KLF4: variants seen among roughly 807,000 people sequenced by gnomAD.
KLF4 encodes the protein KLF transcription factor 4, also known as Krueppel-like factor 4.
KLF4 carries 14 observed loss-of-function variants against 38.0 expected under a neutral mutation model. The observed-to-expected ratio is 0.37, with a 90% CI of 0.24 to 0.58. The LOEUF (loss-of-function observed/expected upper bound fraction) is 0.58, where lower values mean the gene tolerates loss of function less well. KLF4 is among the 20% of genes least tolerant of loss of function. KLF4 has a pLI of 0.76. For synonymous variants in KLF4, 398 were observed against 302.5 expected (o/e 1.32, Z -3.28); for missense variants, 737 against 670.1 (o/e 1.10, Z -1.10).
Position 107,485,514 on chromosome 9 carries a change from G to A in KLF4, c.*237C>T, listed in dbSNP as rs1033016053. The A allele has an allele frequency of 1.1e-5, 5 of 436,128 alleles. No homozygotes were observed. The highest frequency in any genetic ancestry group is 5.2e-5 in the South Asian group (1 of 19,414). 27.0% of individuals were successfully genotyped at this position (436,128 alleles called of 1,614,324 possible). On this transcript the variant is annotated 3_prime_UTR_variant, in exon 5 of 5. Coordinates refer to ENST00000374672, the MANE Select transcript of KLF4 (RefSeq NM_004235.6). This position sits in a 1 kb window ranked among gnomAD's most constrained non-coding sequence, Gnocchi z 4.9. ...TTGTAAGTCCAGGAATATTCAAGTC[G>A]GATTTAGAATTGGAATGATAGAAGA...
Position 107,488,018 on chromosome 9 carries a change from A to T in KLF4, c.376T>A (p.Ser126Thr), listed in dbSNP as rs1485552939. ...GACGAAGAGGAGGCTGACGCTGACG[A>T]GGACACGGTGGCGGCCACTGACTCC... is the stretch of plus-strand genomic sequence containing the variant. ...PPESVAATVS[S>T]SASASSSSSP... The change falls in exon 3 of 5, where the codon TCG becomes ACG. Residue 126 changes from serine (S) to threonine (T), a missense_variant. Ser to Thr is a moderately conservative substitution (Grantham distance 58). This residue lies in a region of KLF4 where 695 missense variants were observed against 554.5 expected (regional missense o/e 1.25). Transcript: ENST00000374672. The surrounding 1 kb of genome is among the most constrained non-coding windows in gnomAD (Gnocchi z 5.7). 1.2e-6 allele frequency: 2 copies of T among 1,608,048 alleles called. No individual in the cohort carries two copies. Among genetic ancestry groups the T allele is most frequent in the South Asian group, 1.1e-5 (1 of 90,514 alleles).
At position 107,484,871 on chromosome 9, in the gene KLF4, GTTTA is replaced by G. The variant is rs1829034166; in HGVS notation, c.*876_*879del. 5.4e-6 allele frequency: 1 copy of G among 185,346 alleles called. No individual in the cohort carries two copies. The allele number at this position is 185,346 out of a possible 1,614,324, so 11.5% of individuals were successfully genotyped here. A position where few individuals can be genotyped will look rare whatever the true frequency, so the allele number is the denominator to read the frequency against. On this transcript the variant is annotated 3_prime_UTR_variant, in exon 5 of 5. Transcript: ENST00000374672. ...ACATTATTCAGATAAAATATTATAG[GTTTA>G]TTTAAAACTTAATTCTCACCTTGAG...
chr9:107,487,901 C>T lies in KLF4; in HGVS notation c.493G>A (p.Gly165Ser), dbSNP rs1378418517. 1 of 1,563,144 alleles carries T rather than the reference C, an allele frequency of 6.4e-7. No homozygotes were observed. The highest frequency in any genetic ancestry group is 2.3e-5 in the East Asian group (1 of 42,634). The change falls in exon 3 of 5, where the codon GGC becomes AGC. Residue 165 changes from glycine (G) to serine (S), a missense_variant. Physicochemically the swap from Gly to Ser is moderately conservative, Grantham distance 56. Around this residue, in one of 2 missense-constraint regions of KLF4, gnomAD observed 695 missense variants for 554.5 expected, o/e 1.25. Coordinates refer to ENST00000374672, the MANE Select transcript of KLF4 (RefSeq NM_004235.6). The surrounding 1 kb of genome is among the most constrained non-coding windows in gnomAD (Gnocchi z 6.1). ...RAGNDPGVAP[G>S]GTGGGLLYGR... ...TAGAGGAGGCCTCCGCCCGTGCCGC[C>T]CGGCGCCACGCCCGGGTCGTTCCCG...
In KLF4 at chr9:107,487,574, A is replaced by C. The variant is rs1277813128; in HGVS notation, c.820T>G (p.Cys274Gly). The change falls in exon 3 of 5, where the codon TGC (cysteine) becomes GGC (glycine). Residue 274 changes from cysteine (C) to glycine (G), a missense_variant. By Grantham distance (159) the Cys-to-Gly change is radical. Around this residue, in one of 2 missense-constraint regions of KLF4, gnomAD observed 695 missense variants for 554.5 expected, o/e 1.25. Coordinates refer to ENST00000374672, the MANE Select transcript of KLF4 (RefSeq NM_004235.6). This position sits in a 1 kb window ranked among gnomAD's most constrained non-coding sequence, Gnocchi z 6.1. ...APYNGGPPRT[C>G]PKIKQEAVSS... ...ACCGCCTCCTGCTTGATCTTGGGGC[A>C]CGTGCGCGGCGGCCCGCCGTTGTAG... 1.9e-6 allele frequency: 3 copies of C among 1,580,396 alleles called. No homozygotes were observed. The African/African-American group carries it at 4.0e-5, about 21-fold the overall frequency.
rs748729994 is a variant in KLF4, at chr9:107,487,188, G to A, written c.1104C>T (p.Leu368=). ...PQVPPLHYQE[L]MPPGSCMPEE... ...CTGGCATGCAGGAACCGGGTGGCAT[G>A]AGCTCTAGGGGTGAAGAAGGTGGGG... is the stretch of plus-strand genomic sequence containing the variant. Residue 368 remains leucine, a synonymous_variant, in exon 4 of 5, where the codon CTC becomes CTT. Transcript: ENST00000374672. This position sits in a 1 kb window ranked among gnomAD's most constrained non-coding sequence, Gnocchi z 6.1. 6.2e-7 allele frequency: 1 copy of A among 1,614,080 alleles called. No individual in the cohort carries two copies. The highest frequency in any genetic ancestry group is 2.2e-5 in the East Asian group (1 of 44,858).
At position 107,487,156 on chromosome 9, in the gene KLF4, G is replaced by T. The variant is rs1009878985; in HGVS notation, c.1136C>A (p.Pro379His). 1.9e-6 allele frequency: 3 copies of T among 1,614,050 alleles called. No individual in the cohort carries two copies. The highest frequency in any genetic ancestry group is 1.7e-6 in the Non-Finnish European group (2 of 1,180,042). Reference protein sequence around the residue: ...MPPGSCMPEEPKPKRGRRSWP... With the variant: ...MPPGSCMPEEHKPKRGRRSWP... Reference sequence around the variant, plus strand: ...CGATCGTCTTCCCCTCTTTGGCTTGGGCTCCTCTGGCATGCAGGAACCGGG... The same window carrying T: ...CGATCGTCTTCCCCTCTTTGGCTTGTGCTCCTCTGGCATGCAGGAACCGGG... The change falls in exon 4 of 5, where the codon CCC (proline) becomes CAC (histidine). Residue 379 changes from proline to histidine, a missense_variant. Pro to His is a moderately conservative substitution (Grantham distance 77, BLOSUM62 -2). Around this residue, in one of 2 missense-constraint regions of KLF4, gnomAD observed 695 missense variants for 554.5 expected, o/e 1.25. Coordinates refer to ENST00000374672, the MANE Select transcript of KLF4 (RefSeq NM_004235.6). This position sits in a 1 kb window ranked among gnomAD's most constrained non-coding sequence, Gnocchi z 6.1.
In KLF4 at chr9:107,488,142, G is replaced by A. The variant is rs1829118783; in HGVS notation, c.252C>T (p.Gly84=). ...LESGGAGAAC[G]GSNLAPLPRR... ...GAGGTAGGGGCGCCAGGTTGCTACCGCCGCAAGCCGCACCGGCTCCGCCGC... is the reference window on the plus strand; with the variant it reads ...GAGGTAGGGGCGCCAGGTTGCTACCACCGCAAGCCGCACCGGCTCCGCCGC... The change falls in exon 3 of 5, where the codon GGC becomes GGT. Residue 84 remains glycine, a synonymous_variant. Coordinates refer to ENST00000374672, the MANE Select transcript of KLF4 (RefSeq NM_004235.6). The surrounding 1 kb of genome is among the most constrained non-coding windows in gnomAD (Gnocchi z 5.7). The A allele has an allele frequency of 6.2e-7, 1 of 1,612,290 alleles. No homozygotes were observed. Among genetic ancestry groups the A allele is most frequent in the Non-Finnish European group, 8.5e-7 (1 of 1,179,832 alleles).
chr9:107,488,125 G>A lies in KLF4; in HGVS notation c.269C>T (p.Pro90Leu), dbSNP rs1271875387. ...GAACGGSNLAPLPRRETEEFN... is the reference protein window; with the variant it reads ...GAACGGSNLALLPRRETEEFN... ...CTCCTCGGTCTCTCTCCGAGGTAGGGGCGCCAGGTTGCTACCGCCGCAAGC... is the reference window on the plus strand; with the variant it reads ...CTCCTCGGTCTCTCTCCGAGGTAGGAGCGCCAGGTTGCTACCGCCGCAAGC... The change falls in exon 3 of 5, where the codon CCC becomes CTC. Residue 90 changes from proline to leucine, a missense_variant. Physicochemically the swap from Pro to Leu is moderately conservative, Grantham distance 98. This residue lies in a region of KLF4 where 695 missense variants were observed against 554.5 expected (regional missense o/e 1.25). Transcript: ENST00000374672. The surrounding 1 kb of genome is among the most constrained non-coding windows in gnomAD (Gnocchi z 5.7). The A allele has an allele frequency of 1.2e-6, 2 of 1,612,758 alleles. No individual in the cohort carries two copies. The highest frequency in any genetic ancestry group is 1.1e-5 in the South Asian group (1 of 91,084).
chr9:107,488,448 G>A lies in KLF4; in HGVS notation c.127-181C>T. 7 of 1,077,600 alleles carry A rather than the reference G, an allele frequency of 6.5e-6. No homozygotes were observed. Among genetic ancestry groups the A allele is most frequent in the Non-Finnish European group, 9.0e-6 (7 of 774,424 alleles). 66.8% of individuals were successfully genotyped at this position (1,077,600 alleles called of 1,614,324 possible). A position where few individuals can be genotyped will look rare whatever the true frequency, so the allele number is the denominator to read the frequency against. On this transcript the variant is annotated intron_variant, in intron 2 of 4. Transcript: ENST00000374672. This position sits in a 1 kb window ranked among gnomAD's most constrained non-coding sequence, Gnocchi z 5.7. ...CTCGGCCCACTCCCGGGTCGAAGAA[G>A]AGGTGATGCGTCTGTATTGCGGGTG... is the stretch of plus-strand genomic sequence containing the variant.
In KLF4 at chr9:107,489,319, G is replaced by T. The variant is rs961138526; in HGVS notation, c.-147C>A. 3.5e-6 allele frequency: 4 copies of T among 1,135,986 alleles called. No homozygotes were observed. The highest frequency in any genetic ancestry group is 4.7e-6 in the Non-Finnish European group (4 of 850,340). 70.4% of individuals were successfully genotyped at this position (1,135,986 alleles called of 1,614,324 possible). A position where few individuals can be genotyped will look rare whatever the true frequency, so the allele number is the denominator to read the frequency against. On this transcript the variant is annotated 5_prime_UTR_variant, in exon 1 of 5. Coordinates refer to ENST00000374672, the MANE Select transcript of KLF4 (RefSeq NM_004235.6). Reference sequence around the variant, plus strand: ...TCTTTGGATTAAATATAACTTGGAAGCGTCTTTTTTAAAAAGTTCCTTTGT... The same window carrying T: ...TCTTTGGATTAAATATAACTTGGAATCGTCTTTTTTAAAAAGTTCCTTTGT...
Position 107,487,655 on chromosome 9 carries a change from C to T in KLF4, c.739G>A (p.Val247Ile). The T allele has an allele frequency of 1.9e-6, 3 of 1,590,966 alleles. No homozygotes were observed. The highest frequency in any genetic ancestry group is 2.6e-6 in the Non-Finnish European group (3 of 1,167,084). ...GGGCTGCCTTTGCTGACGCTGATGA[C>T]CGACGGGCTGCCGTACTCGCTGCCA... ...APGSEYGSPS[V>I]ISVSKGSPDG... The change falls in exon 3 of 5, where the codon GTC becomes ATC. Residue 247 changes from valine (V) to isoleucine (I), a missense_variant. Physicochemically the swap from Val to Ile is conservative, Grantham distance 29. Coordinates refer to ENST00000374672, the MANE Select transcript of KLF4 (RefSeq NM_004235.6). This position sits in a 1 kb window ranked among gnomAD's most constrained non-coding sequence, Gnocchi z 6.1.
rs761851632 is a variant in KLF4 at position 107,487,514 on chromosome 9, G to A, written c.880C>T (p.Leu294Phe). 6.5e-7 allele frequency: 1 copy of A among 1,549,704 alleles called. No individual in the cohort carries two copies. The highest frequency in any genetic ancestry group is 1.2e-5 in the South Asian group (1 of 80,306). ...SCTHLGAGPP[L>F]SNGHRPAAHD... ...GCAGCCGGCCGGTGGCCATTGCTGA[G>A]AGGGGGTCCAGCGCCCAAGTGGGTG... Residue 294 changes from leucine to phenylalanine, a missense_variant, in exon 3 of 5, where the codon CTC (leucine) becomes TTC (phenylalanine). Leu to Phe is a conservative substitution (Grantham distance 22). Around this residue, in one of 2 missense-constraint regions of KLF4, gnomAD observed 695 missense variants for 554.5 expected, o/e 1.25. Transcript: ENST00000374672. The surrounding 1 kb of genome is among the most constrained non-coding windows in gnomAD (Gnocchi z 6.1).
Position 107,485,192 on chromosome 9 carries a change from C to T in KLF4, c.*559G>A. On this transcript the variant is annotated 3_prime_UTR_variant, in exon 5 of 5. Coordinates refer to ENST00000374672, the MANE Select transcript of KLF4 (RefSeq NM_004235.6). This position sits in a 1 kb window ranked among gnomAD's most constrained non-coding sequence, Gnocchi z 4.9. The stretch of plus-strand genomic sequence containing the variant: ...GATCGGAAGACAAATATAGATTTTC[C>T]TTGTCAAAGTATGCAGCAGTTTGAA... 9.9e-6 allele frequency: 2 copies of T among 202,528 alleles called. No homozygotes were observed. Among genetic ancestry groups the T allele is most frequent in the Non-Finnish European group, 2.0e-5 (2 of 98,406 alleles). The allele number at this position is 202,528 out of a possible 1,614,324, so 12.5% of individuals were successfully genotyped here.
Position 107,485,383 on chromosome 9 carries a change from T to C in KLF4, c.*368A>G, listed in dbSNP as rs11788360. The C allele has an allele frequency of 0.011, 2,812 of 252,156 alleles. 19 individuals carry two copies. The highest frequency in any genetic ancestry group is 0.03 in the Middle Eastern group (26 of 866). The allele number at this position is 252,156 out of a possible 1,614,324, so 15.6% of individuals were successfully genotyped here. ...AATACAAGGTGATCTTTTATGCTTA[T>C]ATTGCATCAATACACAATTCAAGGG... is the stretch of plus-strand genomic sequence containing the variant. On this transcript the variant is annotated 3_prime_UTR_variant, in exon 5 of 5. Coordinates refer to ENST00000374672, the MANE Select transcript of KLF4 (RefSeq NM_004235.6). The surrounding 1 kb of genome is among the most constrained non-coding windows in gnomAD (Gnocchi z 4.9).
At position 107,487,018 on chromosome 9, in the gene KLF4, G is replaced by T. The variant is rs547294800; in HGVS notation, c.1264+10C>A. 1 of 1,614,166 alleles carries T rather than the reference G, an allele frequency of 6.2e-7. No homozygotes were observed. The highest frequency in any genetic ancestry group is 8.5e-7 in the Non-Finnish European group (1 of 1,180,042). Reference sequence around the variant, plus strand: ...CTAACCCCCCTCCCTTCTGCAGTTTGTCCCCCTACCTGTGTGGGTTCGCAG... The same window carrying T: ...CTAACCCCCCTCCCTTCTGCAGTTTTTCCCCCTACCTGTGTGGGTTCGCAG... On this transcript the variant is annotated intron_variant, in intron 4 of 4. Coordinates refer to ENST00000374672, the MANE Select transcript of KLF4 (RefSeq NM_004235.6). The surrounding 1 kb of genome is among the most constrained non-coding windows in gnomAD (Gnocchi z 6.1).
chr9:107,488,371 G>A lies in KLF4; in HGVS notation c.127-104C>T. ...CGCGCGACTGCACCGCCCAGACATGGGGACTGGTCAGGCAGGAAGCACCCG... is the reference window on the plus strand; with the variant it reads ...CGCGCGACTGCACCGCCCAGACATGAGGACTGGTCAGGCAGGAAGCACCCG... On this transcript the variant is annotated intron_variant, in intron 2 of 4. Coordinates refer to ENST00000374672, the MANE Select transcript of KLF4 (RefSeq NM_004235.6). The surrounding 1 kb of genome is among the most constrained non-coding windows in gnomAD (Gnocchi z 5.7). 2 of 1,442,418 alleles carry A rather than the reference G, an allele frequency of 1.4e-6. No individual in the cohort carries two copies. Among genetic ancestry groups the A allele is most frequent in the East Asian group, 2.5e-5 (1 of 40,086 alleles). The allele number at this position is 1,442,418 out of a possible 1,614,324, so 89.4% of individuals were successfully genotyped here.
At chr9:107,486,893 C>CA (rs1829072902) in intron 4 of KLF4, 135 bp downstream of exon 4, 1 of 1,541,722 alleles carries the variant, frequency 6.5e-7, no homozygotes, top group East Asian at 2.3e-5. Flanking sequence ...GCCAAGGAGG[C>CA]ACTGAGGAGT....
chr9:107,487,460 G>C lies in KLF4; in HGVS notation c.934C>G (p.Pro312Ala). The change falls in exon 3 of 5, where the codon CCC becomes GCC. Residue 312 changes from proline (P) to alanine (A), a missense_variant. Pro to Ala is a conservative substitution (Grantham distance 27). Around this residue, in one of 2 missense-constraint regions of KLF4, gnomAD observed 695 missense variants for 554.5 expected, o/e 1.25. Coordinates refer to ENST00000374672, the MANE Select transcript of KLF4 (RefSeq NM_004235.6). This position sits in a 1 kb window ranked among gnomAD's most constrained non-coding sequence, Gnocchi z 6.1. ...CCCAGGGTCGGGGTAGTCCTGCTGG[G>C]GAGCTGCCGCCCCAGGGGGAAGTCG... The part of the protein sequence containing the change: ...AHDFPLGRQL[P>A]SRTTPTLGLE... 6.5e-7 allele frequency: 1 copy of C among 1,535,178 alleles called. No individual in the cohort carries two copies. Among genetic ancestry groups the C allele is most frequent in the African/African-American group, 1.4e-5 (1 of 72,662 alleles).
At position 107,487,982 on chromosome 9, in the gene KLF4, T is replaced by C. The variant is rs1189478136; in HGVS notation, c.412A>G (p.Ser138Gly). 5 of 1,591,286 alleles carry C rather than the reference T, an allele frequency of 3.1e-6. No homozygotes were observed. The highest frequency in any genetic ancestry group is 3.6e-5 in the Admixed American group (2 of 55,728). Residue 138 changes from serine (S) to glycine (G), a missense_variant, in exon 3 of 5, where the codon AGC becomes GGC. Physicochemically the swap from Ser to Gly is moderately conservative, Grantham distance 56. Coordinates refer to ENST00000374672, the MANE Select transcript of KLF4 (RefSeq NM_004235.6). This position sits in a 1 kb window ranked among gnomAD's most constrained non-coding sequence, Gnocchi z 6.1. ...GAGGGCGCGCTGGCAGGGCCGCTGC[T>C]CGACGGCGACGACGAAGAGGAGGCT... The part of the protein sequence containing the change: ...ASASSSSSPS[S>G]SGPASAPSTC...
Sources: allele counts gnomAD v4.1 joint callset, GRCh38; gene constraint gnomAD v4.1.1; regional missense constraint gnomAD v4.1.1; non-coding constraint Gnocchi (gnomAD v3.1); transcripts MANE v1.5; gene names NCBI Gene and HGNC (gene_info 2026-07-23, HGNC 2026-07-21).